Variants in PLEKHH2 observed in about 807,000 individuals in gnomAD.
PLEKHH2 encodes the protein pleckstrin homology, MyTH4 and FERM domain containing H2, also known as pleckstrin homology domain-containing family H member 2.
A neutral mutation model predicts 187.9 loss-of-function variants in PLEKHH2; 129 were observed. The ratio of observed to expected loss-of-function variants is 0.69; its 90% CI spans 0.59 to 0.79. The LOEUF (loss-of-function observed/expected upper bound fraction) is 0.79. PLEKHH2 is among the 30% of genes least tolerant of loss of function. The pLI is 0.00. For missense variants in PLEKHH2, 2,076 were observed against 1,751.2 expected, an observed-to-expected ratio of 1.19 and a Z score of -3.31; for synonymous variants, 686 against 605.6, an observed-to-expected ratio of 1.13 and a Z score of -1.95.
Position 43,685,421 on chromosome 2 carries a change from T to TG in PLEKHH2, c.186+6496_186+6497insG, listed in dbSNP as rs1668454341. The stretch of plus-strand genomic sequence containing the variant: ...TCTTTATACTTAATGTTCTAGTACA[T>TG]CTTTTTTTTGTTTGTTTGTCTTTTG... On this transcript the variant is annotated intron_variant, in intron 3 of 29. Coordinates refer to ENST00000282406, the MANE Select transcript of PLEKHH2 (RefSeq NM_172069.4). 3.3e-5 allele frequency among the ~76,000 whole-genome samples: 5 copies of TG among 152,170 alleles called. No individual in the cohort carries two copies. The South Asian group carries it at 8.3e-4, about 25-fold the overall frequency.
intron 16 of PLEKHH2, among the ~76,000 whole-genome samples, chr2:43,722,702 AATT>A (rs1670540806): frequency 6.6e-6 from 1 of 152,218 alleles, no homozygotes; most frequent in Non-Finnish European, 1.5e-5. Context: ...TAAATAAAAT[AATT>A]ATCTGTGATC....
In PLEKHH2 at chr2:43,665,828, C is replaced by T. The variant is rs1411725652; in HGVS notation, c.124-13035C>T. Among the ~76,000 whole-genome samples, 952 of 134,018 alleles carry T rather than the reference C, an allele frequency of 7.1e-3. 27 individuals are homozygous for T. The highest frequency in any genetic ancestry group is 0.027 in the African/African-American group (904 of 33,062). The allele number at this position is 134,018 out of a possible 152,430, so 87.9% of individuals were successfully genotyped here. A position where few individuals can be genotyped will look rare whatever the true frequency, so the allele number is the denominator to read the frequency against. On this transcript the variant is annotated intron_variant, in intron 2 of 29. Transcript: ENST00000282406. ...GACCCACTTGAGGAGGCAGTCTGCC[C>T]GTTCTCAGATCTCCAGCTGCGTGCT...
chr2:43,741,707 C>T (rs547793433), intron 21 of PLEKHH2, among the ~76,000 whole-genome samples: 4 of 152,238 alleles, frequency 2.6e-5, no homozygotes, highest in African/African-American at 9.6e-5. Context: ...CATTGTGGGG[C>T]CTCTGTGATC....
intron 3 of PLEKHH2, chr2:43,680,659 G>C: frequency 2.9e-6 from 1 of 348,726 alleles, no homozygotes; most frequent in Non-Finnish European, 5.6e-6. Flanking sequence ...TGTTTGTTTA[G>C]TGGTTTGGCT....
intron 3 of PLEKHH2, among the ~76,000 whole-genome samples, chr2:43,684,640 G>A (rs1209174397): frequency 6.6e-6 from 1 of 151,648 alleles, no homozygotes; most frequent in African/African-American, 2.4e-5. Context: ...GCAAACCACA[G>A]AGGTTTGTTG....
intron 24 of PLEKHH2, among the ~76,000 whole-genome samples, chr2:43,752,175 G>A (rs1672036666): frequency 6.6e-6 from 1 of 152,102 alleles, no homozygotes; most frequent in Non-Finnish European, 1.5e-5. Flanking sequence ...ACAAATGTAA[G>A]CATGCCAAAA....
chr2:43,652,599 C>G (rs965883926), intron 2 of PLEKHH2, among the ~76,000 whole-genome samples: 2 of 152,204 alleles, frequency 1.3e-5, no homozygotes, highest in Non-Finnish European at 2.9e-5. Context: ...AATAGTGATG[C>G]TGACATCAGT....
chr2:43,735,013 T>G (rs1011030918), intron 19 of PLEKHH2, among the ~76,000 whole-genome samples: 3 of 151,908 alleles, frequency 2.0e-5, no homozygotes, highest in South Asian at 2.1e-4. Context: ...ATACAAAATT[T>G]ATTTTGTCTC....
At chr2:43,645,010 T>C (rs1197093470) in intron 2 of PLEKHH2, among the ~76,000 whole-genome samples, 1 of 152,094 alleles carries the variant, frequency 6.6e-6, no homozygotes, top group African/African-American at 2.4e-5. Context: ...GTGAGAACCG[T>C]GTATGTTTGG....
In PLEKHH2 at chr2:43,738,443, C is replaced by A. The variant is rs918532668; in HGVS notation, c.3046C>A (p.Leu1016Met). Reference protein sequence around the residue: ...ALQICLTHPELQNEICCQLIK... With the variant: ...ALQICLTHPEMQNEICCQLIK... Reference sequence around the variant, plus strand: ...GCAAATCTGCCTGACACATCCTGAGCTGCAGAATGAAATTTGCTGTCAGCT... The same window carrying A: ...GCAAATCTGCCTGACACATCCTGAGATGCAGAATGAAATTTGCTGTCAGCT... Residue 1016 changes from leucine to methionine, a missense_variant, in exon 20 of 30, where the codon CTG (leucine) becomes ATG (methionine). Transcript: ENST00000282406. 2 of 1,614,018 alleles carry A rather than the reference C, an allele frequency of 1.2e-6. No individual in the cohort carries two copies. Among genetic ancestry groups the A allele is most frequent in the South Asian group, 1.1e-5 (1 of 91,060 alleles).
At chr2:43,697,476 G>A (rs1045799541) in intron 7 of PLEKHH2, 120 bp downstream of exon 7, 1 of 846,700 alleles carries the variant, frequency 1.2e-6, no homozygotes, top group Non-Finnish European at 1.7e-6. Context: ...GATGTTTTAT[G>A]AGAATGTTTC....
chr2:43,699,080 G>A (rs1669229786), intron 7 of PLEKHH2, among the ~76,000 whole-genome samples: 1 of 151,984 alleles, frequency 6.6e-6, no homozygotes, highest in Admixed American at 6.6e-5. Context: ...GTTGAAAGGA[G>A]GTGTCATTTT....
intron 2 of PLEKHH2, among the ~76,000 whole-genome samples, chr2:43,651,296 T>A (rs887913984): frequency 4.6e-5 from 7 of 152,008 alleles, no homozygotes; most frequent in South Asian, 2.1e-4. Flanking sequence ...CTCGAACTCC[T>A]GACCTTGTGA....
At chr2:43,683,446 T>A (rs1456367376) in intron 3 of PLEKHH2, among the ~76,000 whole-genome samples, 1 of 152,112 alleles carries the variant, frequency 6.6e-6, no homozygotes, top group Non-Finnish European at 1.5e-5. Flanking sequence ...GCCCTCTTTT[T>A]TTTTGTTTTT....
At chr2:43,726,204 C>A in intron 16 of PLEKHH2, 68 bp from the exon 17 acceptor site, 9 of 1,030,456 alleles carry the variant, frequency 8.7e-6, no homozygotes, top group East Asian at 5.4e-5. Flanking sequence ...ATGAAAAGGA[C>A]TATGAAATGT....
chr2:43,704,512 A>T (rs1669549386), intron 9 of PLEKHH2, among the ~76,000 whole-genome samples: 1 of 151,700 alleles, frequency 6.6e-6, no homozygotes, highest in African/African-American at 2.4e-5. Flanking sequence ...ATACAAAAAA[A>T]ATTAGCCGGG....
At chr2:43,756,933 A>T (rs1263730124) in intron 25 of PLEKHH2, among the ~76,000 whole-genome samples, 186 bp from the exon 26 acceptor site, 1 of 152,212 alleles carries the variant, frequency 6.6e-6, no homozygotes, top group Non-Finnish European at 1.5e-5. Context: ...CAAAAAAAAA[A>T]TTATAATTCA....
chr2:43,660,522 G>A (rs1409953910), intron 2 of PLEKHH2, among the ~76,000 whole-genome samples: 1 of 141,264 alleles, frequency 7.1e-6, no homozygotes, highest in Non-Finnish European at 1.5e-5. Context: ...ACATTGTGCA[G>A]GTTAGTTACA....
Position 43,705,729 on chromosome 2 carries a change from CT to C in PLEKHH2, c.1727-591del, listed in dbSNP as rs375230733. On this transcript the variant is annotated intron_variant, in intron 9 of 29. Coordinates refer to ENST00000282406, the MANE Select transcript of PLEKHH2 (RefSeq NM_172069.4). ...CTCCCCTTCCCAGGTTCAAGCAATTCTTGTGCCTCAGCCTCCCAAGTAACTG... is the reference window on the plus strand; with the variant it reads ...CTCCCCTTCCCAGGTTCAAGCAATTCTGTGCCTCAGCCTCCCAAGTAACTG... Among the ~76,000 whole-genome samples the C allele has an allele frequency of 2.9e-3, 440 of 152,224 alleles. 7 individuals carry two copies. Among genetic ancestry groups the C allele is most frequent in the African/African-American group, 1.0e-2 (414 of 41,532 alleles).
Sources: gnomAD v4.1 joint callset for allele counts (sites outside exome capture counted in the v4.1 genomes callset) on GRCh38, gnomAD v4.1.1 for gene constraint, MANE v1.5 for transcripts, NCBI Gene and HGNC (gene_info 2026-07-23, HGNC 2026-07-21) for gene names.